The following COL5A1 variants were observed in gnomAD, a reference collection of about 807,000 sequenced individuals.
The protein encoded by COL5A1 is collagen type V alpha 1 chain.
A neutral mutation model predicts 263.7 loss-of-function variants in COL5A1; 16 were observed. The observed-to-expected ratio is 0.06, with a 90% CI of 0.04 to 0.09. The LOEUF is 0.09. Among genes scored for constraint, COL5A1 ranks in the 10% least tolerant of loss-of-function variants. The pLI is 1.00. For missense variants in COL5A1, 2,036 were observed against 2,540.5 expected (o/e 0.80, Z 4.27); for synonymous variants, 1,012 against 1,004.5 (o/e 1.01, Z -0.14).
rs186334077 is a variant in COL5A1, at chr9:134,700,534, C to T, written c.491+412C>T. Among the ~76,000 whole-genome samples the T allele has an allele frequency of 7.9e-5, 12 of 152,334 alleles. No individual in the cohort carries two copies. The highest frequency in any genetic ancestry group is 1.5e-5 in the Non-Finnish European group (1 of 68,030). ...AGAAAAAGCGGGTCGTGCCAGCACG[C>T]TCTGTTGGGTGCAGACCTCAACACC... On this transcript the variant is annotated intron_variant, in intron 3 of 65. Transcript: ENST00000371817. The surrounding 1 kb of genome is among the most constrained non-coding windows in gnomAD (Gnocchi z 4.0).
intron 1 of COL5A1, among the ~76,000 whole-genome samples, chr9:134,685,370 T>TCCAC (rs1833007187): frequency 7.1e-6 from 1 of 140,372 alleles, no homozygotes; most frequent in Non-Finnish European, 1.5e-5. Context: ...CCACCATCCA[T>TCCAC]TCACCCATCC....
intron 31 of COL5A1, among the ~76,000 whole-genome samples, chr9:134,787,514 C>A (rs930773044): frequency 6.6e-6 from 1 of 152,214 alleles, no homozygotes; most frequent in African/African-American, 2.4e-5. Context: ...CAGTGGCCAG[C>A]GCCAACCCTG....
intron 53 of COL5A1, 44 bp from the exon 54 acceptor site, chr9:134,817,734 C>T (rs777530645): frequency 1.9e-6 from 3 of 1,595,636 alleles, no homozygotes; most frequent in Non-Finnish European, 2.6e-6. Context: ...CCCTCCACCC[C>T]TGCAGGCCAC....
At chr9:134,703,585 C>A (rs539443891) in intron 4 of COL5A1, among the ~76,000 whole-genome samples, 2 of 146,934 alleles carry the variant, frequency 1.4e-5, no homozygotes, top group African/African-American at 2.5e-5. Flanking sequence ...TTCTGTGGGT[C>A]GAGGCCCTGC....
At chr9:134,767,426 G>A (rs929343592) in intron 24 of COL5A1, 72 bp downstream of exon 24, 2 of 1,401,592 alleles carry the variant, frequency 1.4e-6, no homozygotes, top group African/African-American at 2.8e-5. Flanking sequence ...ACCCTGGGAG[G>A]ACCCCTGGTA....
chr9:134,762,022 T>A (rs374671717), intron 19 of COL5A1, 44 bp downstream of exon 19: 2 of 1,598,332 alleles, frequency 1.3e-6, no homozygotes, highest in Non-Finnish European at 1.7e-6. Flanking sequence ...CCTGCCCTAC[T>A]CCTCAGTGAT....
intron 1 of COL5A1, among the ~76,000 whole-genome samples, chr9:134,662,921 C>G (rs115314441): frequency 6.6e-6 from 1 of 152,188 alleles, no homozygotes; most frequent in Non-Finnish European, 1.5e-5. Flanking sequence ...TAGCAGAGAC[C>G]GATGAGTGTT....
intron 29 of COL5A1, among the ~76,000 whole-genome samples, chr9:134,783,672 A>G (rs1345640320): frequency 6.6e-6 from 1 of 152,110 alleles, no homozygotes; most frequent in East Asian, 1.9e-4. Context: ...GCTTTCCAGA[A>G]CAGGAAAGCC....
rs1166474275 is a variant in COL5A1 at position 134,755,858 on chromosome 9, T to C, written c.1828-907T>C. On this transcript the variant is annotated intron_variant, in intron 16 of 65. Coordinates refer to ENST00000371817, the MANE Select transcript of COL5A1 (RefSeq NM_000093.5). This position sits in a 1 kb window ranked among gnomAD's most constrained non-coding sequence, Gnocchi z 4.1. Reference sequence around the variant, plus strand: ...GTCTGTCTCCAGTGCTTTGAGACCCTAAGCTGCCACCCTCCAGATCTTCTC... The same window carrying C: ...GTCTGTCTCCAGTGCTTTGAGACCCCAAGCTGCCACCCTCCAGATCTTCTC... Among the ~76,000 whole-genome samples, 1 of 152,172 alleles carries C rather than the reference T, an allele frequency of 6.6e-6. No homozygotes were observed. The highest frequency in any genetic ancestry group is 1.5e-5 in the Non-Finnish European group (1 of 68,032).
At chr9:134,750,210 C>T (rs1026150070) in intron 11 of COL5A1, among the ~76,000 whole-genome samples, 4 of 152,200 alleles carry the variant, frequency 2.6e-5, no homozygotes, top group African/African-American at 9.6e-5. Context: ...CGACAAGAGC[C>T]TGACACTGCC....
At chr9:134,732,634 A>G (rs1035463864) in intron 9 of COL5A1, 4 of 217,072 alleles carry the variant, frequency 1.8e-5, no homozygotes, top group African/African-American at 9.0e-5. Context: ...ATGAAACTTT[A>G]TCAAGGGAAT....
chr9:134,796,099 G>T (rs1413840839), intron 34 of COL5A1, among the ~76,000 whole-genome samples: 1 of 152,232 alleles, frequency 6.6e-6, no homozygotes, highest in Admixed American at 6.5e-5. Flanking sequence ...CGAGGCTGGG[G>T]CACAGCCTTT....
chr9:134,771,642 C>T lies in COL5A1; in HGVS notation c.2287-1148C>T, dbSNP rs571361818. ...CAACGAGACTTGGGTCTTCTTAATG[C>T]TACTGTGTCTAGAAAGAGTCTCAGA... On this transcript the variant is annotated intron_variant, in intron 25 of 65. Transcript: ENST00000371817. 8.5e-5 allele frequency among the ~76,000 whole-genome samples: 13 copies of T among 152,340 alleles called. 1 individual carries two copies. The East Asian group carries it at 2.3e-3, about 27-fold the overall frequency.
At chr9:134,720,281 G>A (rs113901933) in intron 4 of COL5A1, among the ~76,000 whole-genome samples, 4,570 of 152,242 alleles carry the variant, frequency 0.03, 88 homozygotes, top group South Asian at 0.067. Context: ...GAAAAGCCAC[G>A]AGCTCACCCA....
intron 1 of COL5A1, among the ~76,000 whole-genome samples, chr9:134,656,751 A>G (rs1014354303): frequency 2.6e-5 from 4 of 151,672 alleles, no homozygotes; most frequent in Non-Finnish European, 4.4e-5. Flanking sequence ...GGGAGGCAGT[A>G]ATTGTAACTT....
chr9:134,713,637 G>A (rs1215526113), intron 4 of COL5A1, among the ~76,000 whole-genome samples: 2 of 152,206 alleles, frequency 1.3e-5, no homozygotes, highest in South Asian at 2.1e-4. Flanking sequence ...CAGGAGAAGC[G>A]GCAGTGAAGT....
chr9:134,740,050 G>A (rs1405494313), intron 11 of COL5A1, among the ~76,000 whole-genome samples: 1 of 152,246 alleles, frequency 6.6e-6, no homozygotes, highest in Non-Finnish European at 1.5e-5. Context: ...CAGGGATTTG[G>A]AGGTCCAGAA....
In COL5A1 at chr9:134,647,871, G is replaced by A. The variant is rs1196827231; in HGVS notation, c.109+5575G>A. Among the ~76,000 whole-genome samples the A allele has an allele frequency of 6.6e-6, 1 of 152,248 alleles. No homozygotes were observed. The highest frequency in any genetic ancestry group is 1.5e-5 in the Non-Finnish European group (1 of 68,044). On this transcript the variant is annotated intron_variant, in intron 1 of 65. Coordinates refer to ENST00000371817, the MANE Select transcript of COL5A1 (RefSeq NM_000093.5). This position sits in a 1 kb window ranked among gnomAD's most constrained non-coding sequence, Gnocchi z 5.0. ...AAAGTTTCTGGCCTGGCTGGTGGATGTGCCTCGATCCTGCAGGCGGAGCCC... is the reference window on the plus strand; with the variant it reads ...AAAGTTTCTGGCCTGGCTGGTGGATATGCCTCGATCCTGCAGGCGGAGCCC...
intron 9 of COL5A1, among the ~76,000 whole-genome samples, chr9:134,733,077 G>A (rs190339943): frequency 2.9e-4 from 44 of 152,280 alleles, no homozygotes; most frequent in African/African-American, 9.6e-4. Context: ...CCTGCACCAC[G>A]GCCAGTCATG....
Sources: allele counts gnomAD v4.1 joint callset (sites outside exome capture counted in the v4.1 genomes callset), GRCh38; gene constraint gnomAD v4.1.1; non-coding constraint Gnocchi (gnomAD v3.1); transcripts MANE v1.5; gene names NCBI Gene and HGNC (gene_info 2026-07-23, HGNC 2026-07-21).